BRF1: variants seen among roughly 807,000 people sequenced by gnomAD.
BRF1 encodes the protein transcription factor IIIB 90 kDa subunit.
Under a neutral mutation model 81.7 loss-of-function variants are expected in BRF1, and 59 were observed. That is an observed-to-expected ratio of 0.72 (90% CI 0.59 to 0.90). The LOEUF (loss-of-function observed/expected upper bound fraction) is 0.90, where lower values mean the gene tolerates loss of function less well. BRF1 is among the 40% of genes least tolerant of loss of function. BRF1 has a pLI of 0.00. For missense variants in BRF1, 1,050 were observed against 936.3 expected (o/e 1.12, Z -1.58); for synonymous variants, 491 against 395.6 (o/e 1.24, Z -2.86).
At chr14:105,297,066 G>A (rs888922710) in intron 1 of BRF1, among the ~76,000 whole-genome samples, 3 of 151,972 alleles carry the variant, frequency 2.0e-5, no homozygotes, top group East Asian at 1.9e-4. Context: ...GCTGAGGCAC[G>A]AGAATCGCTT....
intron 10 of BRF1, 151 bp from the exon 11 acceptor site, chr14:105,222,065 G>C (rs1485167034): frequency 1.0e-6 from 1 of 963,470 alleles, no homozygotes; most frequent in Non-Finnish European, 1.5e-6. Context: ...ACGAGCCTCA[G>C]CCCACACCTC....
chr14:105,251,731 G>A (rs1395521792), intron 5 of BRF1, among the ~76,000 whole-genome samples: 1 of 151,994 alleles, frequency 6.6e-6, no homozygotes, highest in African/African-American at 2.4e-5. Context: ...AAGTAAGAAA[G>A]GGGCCTCTAA....
chr14:105,245,473 A>C (rs186918072), intron 5 of BRF1, among the ~76,000 whole-genome samples: 7 of 152,340 alleles, frequency 4.6e-5, no homozygotes, highest in African/African-American at 1.7e-4. Context: ...ACTAATAAGA[A>C]AAAGAAGCAA....
intron 1 of BRF1, among the ~76,000 whole-genome samples, chr14:105,294,275 G>C (rs778667973): frequency 6.6e-6 from 1 of 152,250 alleles, no homozygotes; most frequent in Non-Finnish European, 1.5e-5. Flanking sequence ...CCTCCCTCCA[G>C]AGAGTGTGCC....
At chr14:105,280,873 A>G (rs1460821492) in intron 2 of BRF1, among the ~76,000 whole-genome samples, 527 of 49,308 alleles carry the variant, frequency 0.011, no homozygotes, top group Middle Eastern at 0.019. Context: ...GATACAGCCC[A>G]CGTGACCCTG....
chr14:105,240,937 C>A (rs113560789), intron 6 of BRF1, among the ~76,000 whole-genome samples: 1 of 152,052 alleles, frequency 6.6e-6, no homozygotes, highest in Admixed American at 6.5e-5. Flanking sequence ...GGCCACACCA[C>A]TGTCCGCGTC....
chr14:105,302,378 T>C (rs1566880970), upstream of BRF1, among the ~76,000 whole-genome samples: 1 of 151,360 alleles, frequency 6.6e-6, no homozygotes, highest in African/African-American at 2.4e-5. Flanking sequence ...TAATTTTGTA[T>C]TTTTAGTAGA....
chr14:105,265,636 C>T (rs587771006), intron 3 of BRF1, among the ~76,000 whole-genome samples: 133 of 152,194 alleles, frequency 8.7e-4, no homozygotes, highest in Non-Finnish European at 1.4e-3. Context: ...GTGGCTCACA[C>T]CTGTAATCCC....
chr14:105,296,454 A>G (rs974687685), intron 1 of BRF1, among the ~76,000 whole-genome samples: 8 of 151,970 alleles, frequency 5.3e-5, no homozygotes, highest in Non-Finnish European at 1.2e-4. Context: ...CAGAGCTTAC[A>G]GTGAGCCGAG....
At chr14:105,287,423 C>G (rs775338430) in intron 1 of BRF1, among the ~76,000 whole-genome samples, 2 of 152,208 alleles carry the variant, frequency 1.3e-5, no homozygotes, top group African/African-American at 4.8e-5. Flanking sequence ...CCCCCCGCCC[C>G]GCAGCGTCGG....
Position 105,249,221 on chromosome 14 carries a change from G to A in BRF1, c.544+3286C>T, listed in dbSNP as rs745798728. 8.8e-6 allele frequency: 14 copies of A among 1,587,634 alleles called. No individual in the cohort carries two copies. The South Asian group carries it at 1.2e-4, about 14-fold the overall frequency. On this transcript the variant is annotated intron_variant, in intron 5 of 17. Coordinates refer to ENST00000547530, the MANE Select transcript of BRF1 (RefSeq NM_001519.4). ...GCACTTCGTCGTGGGGCCCCCGGGG[G>A]CGACCAGGACGGTGCCCGCCCACAA...
chr14:105,261,805 G>C (rs1181494669), intron 3 of BRF1, among the ~76,000 whole-genome samples: 7 of 152,224 alleles, frequency 4.6e-5, no homozygotes, highest in African/African-American at 1.7e-4. Flanking sequence ...CCATGGGACT[G>C]GAGAGGGGGA....
chr14:105,217,172 A>G, intron 15 of BRF1: 1 of 345,820 alleles, frequency 2.9e-6, no homozygotes, highest in South Asian at 4.0e-5. Context: ...AGAGACGGCA[A>G]TGCAGCCAGG....
intron 15 of BRF1, among the ~76,000 whole-genome samples, chr14:105,214,197 C>T (rs1441734482): frequency 6.6e-6 from 1 of 152,244 alleles, no homozygotes; most frequent in African/African-American, 2.4e-5. Flanking sequence ...GGCAGCTCAT[C>T]TGGTGGGCCC....
intron 6 of BRF1, 55 bp from the exon 7 acceptor site, chr14:105,228,968 C>G: frequency 1.3e-6 from 2 of 1,522,936 alleles, no homozygotes; most frequent in South Asian, 1.1e-5. Flanking sequence ...AGGGCAACAT[C>G]TGTGGCGGCC....
chr14:105,307,262 C>T (rs1283237496), intron 1 of BRF1, among the ~76,000 whole-genome samples: 2 of 152,090 alleles, frequency 1.3e-5, no homozygotes, highest in Non-Finnish European at 2.9e-5. Flanking sequence ...TGCCTCCTTT[C>T]ATCAGGCTCC....
intron 8 of BRF1, 32 bp downstream of exon 8, chr14:105,226,602 C>G (rs761958132): frequency 9.3e-6 from 15 of 1,611,992 alleles, no homozygotes; most frequent in Non-Finnish European, 1.3e-5. Context: ...GCTGGCAAGC[C>G]CAGCACAGAC....
chr14:105,270,174 C>CTT (rs56662868), intron 3 of BRF1, among the ~76,000 whole-genome samples: 2 of 115,318 alleles, frequency 1.7e-5, no homozygotes, highest in South Asian at 2.8e-4. Context: ...GTTGAAAGGA[C>CTT]TTTTTTTTTT....
chr14:105,242,873 T>A (rs1023975142), intron 5 of BRF1, among the ~76,000 whole-genome samples: 1 of 151,994 alleles, frequency 6.6e-6, no homozygotes, highest in Non-Finnish European at 1.5e-5. Context: ...CCCAACACTT[T>A]GGGAGATTAG....
Sources: gnomAD v4.1 joint callset for allele counts (sites outside exome capture counted in the v4.1 genomes callset) on GRCh38, gnomAD v4.1.1 for gene constraint, MANE v1.5 for transcripts, NCBI Gene and HGNC (gene_info 2026-07-23, HGNC 2026-07-21) for gene names.